FRY: variants seen among roughly 807,000 people sequenced by gnomAD.
The protein encoded by FRY is FRY microtubule binding protein, also known as protein furry homolog.
Under a neutral mutation model 348.4 loss-of-function variants are expected in FRY, and 128 were observed. That is an observed-to-expected ratio of 0.37 (90% CI 0.32 to 0.43). The LOEUF is 0.43. FRY is among the 20% of genes least tolerant of loss of function. FRY has a pLI of 1.00. For synonymous variants in FRY, 1,370 were observed against 1,374.7 expected, an observed-to-expected ratio of 1.00 and a Z score of 0.08; for missense variants, 2,736 against 3,695.2, an observed-to-expected ratio of 0.74 and a Z score of 6.73.
intron 55 of FRY, among the ~76,000 whole-genome samples, chr13:32,267,881 T>G (rs1429451481): frequency 6.6e-6 from 1 of 152,236 alleles, no homozygotes; most frequent in Non-Finnish European, 1.5e-5. Flanking sequence ...TTTCGTTTTA[T>G]GAAATGGGAA....
At chr13:32,172,087 G>A (rs1228812579) in intron 18 of FRY, among the ~76,000 whole-genome samples, 1 of 151,550 alleles carries the variant, frequency 6.6e-6, no homozygotes, top group East Asian at 1.9e-4. Context: ...GATGTAGATA[G>A]GATATGGATG....
chr13:32,153,616 C>G (rs1450170913), intron 14 of FRY, among the ~76,000 whole-genome samples: 1 of 152,118 alleles, frequency 6.6e-6, no homozygotes. Flanking sequence ...GGTTACCTGA[C>G]TATGTATGTT....
At chr13:32,226,063 C>T (rs1885563623) in intron 39 of FRY, 89 bp downstream of exon 39, 7 of 1,101,720 alleles carry the variant, frequency 6.4e-6, no homozygotes, top group African/African-American at 1.5e-5. Context: ...AAGTTAACTT[C>T]TCTCATGCTA....
At chr13:32,160,541 A>G (rs1224641995) in intron 16 of FRY, among the ~76,000 whole-genome samples, 1 of 152,230 alleles carries the variant, frequency 6.6e-6, no homozygotes, top group Non-Finnish European at 1.5e-5. Context: ...CAAGAAATTA[A>G]TTAAAAATAG....
At chr13:32,262,562 G>A (rs1037197712) in intron 53 of FRY, 87 bp downstream of exon 53, 1 of 975,322 alleles carries the variant, frequency 1.0e-6, no homozygotes, top group South Asian at 1.3e-5. Context: ...TTCTTAAGGG[G>A]TCTCAAGTAG....
chr13:32,146,398 G>A (rs929223932), intron 11 of FRY, among the ~76,000 whole-genome samples: 4 of 152,048 alleles, frequency 2.6e-5, no homozygotes, highest in East Asian at 1.9e-4. Flanking sequence ...GCGCAGTGGC[G>A]CCATCTCAGC....
At chr13:32,057,821 G>C (rs550758877) in intron 1 of FRY, among the ~76,000 whole-genome samples, 1 of 152,254 alleles carries the variant, frequency 6.6e-6, no homozygotes, top group South Asian at 2.1e-4. Flanking sequence ...TTAGCCGAGT[G>C]TGGTGGCGGG....
chr13:32,260,218 CATATT>C (rs1887558359), intron 51 of FRY, among the ~76,000 whole-genome samples: 1 of 152,176 alleles, frequency 6.6e-6, no homozygotes. Flanking sequence ...TCACATCTCT[CATATT>C]ATGTTGTTCA....
In FRY at chr13:32,218,677, C is replaced by CAAAAAAA; in HGVS notation, c.4683-59_4683-53dup. On this transcript the variant is annotated intron_variant, in intron 35 of 60. Coordinates refer to ENST00000542859, the MANE Select transcript of FRY (RefSeq NM_023037.3). ...CTGGTGACAGAGTGAGACTCCAACT[C>CAAAAAAA]AAAAAAAAAAAAAAAAAAAGCGCAT... is the stretch of plus-strand genomic sequence containing the variant. 4.0e-5 allele frequency: 23 copies of CAAAAAAA among 575,884 alleles called. 3 individuals carry two copies. Among genetic ancestry groups the CAAAAAAA allele is most frequent in the African/African-American group, 8.6e-5 (3 of 35,026 alleles). The allele number at this position is 575,884 out of a possible 1,614,324, so 35.7% of individuals were successfully genotyped here.
At chr13:32,135,411 C>G (rs1171419296) in intron 10 of FRY, among the ~76,000 whole-genome samples, 1 of 152,134 alleles carries the variant, frequency 6.6e-6, no homozygotes, top group Non-Finnish European at 1.5e-5. Context: ...ACCCTCTGGT[C>G]CTAAGGAGTC....
chr13:32,255,216 T>C (rs1445729871), intron 51 of FRY, among the ~76,000 whole-genome samples: 1 of 152,156 alleles, frequency 6.6e-6, no homozygotes, highest in Non-Finnish European at 1.5e-5. Context: ...ACCGGGCTCA[T>C]GGTGTTGTCA....
At chr13:32,150,969 G>T (rs978596742) in intron 14 of FRY, among the ~76,000 whole-genome samples, 1 of 152,212 alleles carries the variant, frequency 6.6e-6, no homozygotes, top group Non-Finnish European at 1.5e-5. Flanking sequence ...AATGGCTGCA[G>T]CCAGGGTCTC....
chr13:32,198,446 A>G (rs542517912), intron 29 of FRY, among the ~76,000 whole-genome samples: 1 of 152,326 alleles, frequency 6.6e-6, no homozygotes, highest in Admixed American at 6.5e-5. Context: ...AATTTGTAAC[A>G]ATTCCAAACT....
intron 15 of FRY, among the ~76,000 whole-genome samples, chr13:32,156,059 C>T (rs1881086240): frequency 6.6e-6 from 1 of 152,130 alleles, no homozygotes; most frequent in African/African-American, 2.4e-5. Context: ...ATGTTTTAAA[C>T]ATGCCAAATC....
intron 58 of FRY, among the ~76,000 whole-genome samples, chr13:32,284,628 A>G (rs1004608913): frequency 6.6e-6 from 1 of 152,254 alleles, no homozygotes. Context: ...CTTAACAAAG[A>G]TAATGCCATA....
Position 32,143,853 on chromosome 13 carries a change from C to T in FRY, c.1180-3429C>T, listed in dbSNP as rs1293489652. 2.0e-5 allele frequency among the ~76,000 whole-genome samples: 3 copies of T among 152,124 alleles called. No homozygotes were observed. In the East Asian group the frequency reaches 5.8e-4, roughly 29 times the overall value. On this transcript the variant is annotated intron_variant, in intron 11 of 60. Transcript: ENST00000542859. ...TAAGTACCCTATGTGCATTAACTCA[C>T]TTAACTCTCATACATTCCTGTGATG...
intron 1 of FRY, among the ~76,000 whole-genome samples, chr13:32,076,343 C>T (rs768414753): frequency 2.0e-5 from 3 of 152,136 alleles, no homozygotes; most frequent in Non-Finnish European, 4.4e-5. Context: ...GTTTATATCC[C>T]AGTCTCTGGT....
At chr13:32,134,370 T>C (rs1394809274) in intron 8 of FRY, among the ~76,000 whole-genome samples, 1 of 152,218 alleles carries the variant, frequency 6.6e-6, no homozygotes, top group Middle Eastern at 3.2e-3. Context: ...GTTCCTGACT[T>C]GCTTATGAAA....
intron 47 of FRY, among the ~76,000 whole-genome samples, chr13:32,245,860 A>G (rs1326772802): frequency 6.6e-6 from 1 of 152,208 alleles, no homozygotes; most frequent in African/African-American, 2.4e-5. Flanking sequence ...TTCAAGGGCA[A>G]ATGCTAGGTT....
Sources: gnomAD v4.1 joint callset for allele counts (sites outside exome capture counted in the v4.1 genomes callset) on GRCh38, gnomAD v4.1.1 for gene constraint, MANE v1.5 for transcripts, NCBI Gene and HGNC (gene_info 2026-07-23, HGNC 2026-07-21) for gene names.